Variants in TOM1 observed in about 807,000 individuals in gnomAD.
TOM1 encodes the protein target of myb1 membrane trafficking protein.
In TOM1, 38 loss-of-function variants were observed where a neutral mutation model predicts 61.3. That is an observed-to-expected ratio of 0.62 (90% CI 0.48 to 0.81). The LOEUF (loss-of-function observed/expected upper bound fraction) is 0.81. Ranked by LOEUF, TOM1 falls within the 40% of genes least tolerant of loss-of-function variation. The pLI is 0.00. For missense variants in TOM1, 591 were observed against 659.6 expected, an observed-to-expected ratio of 0.90 and a Z score of 1.14; for synonymous variants, 270 against 268.8, an observed-to-expected ratio of 1.00 and a Z score of -0.04.
At chr22:35,332,691 G>A (rs1424758721) in intron 8 of TOM1, among the ~76,000 whole-genome samples, 2 of 151,952 alleles carry the variant, frequency 1.3e-5, no homozygotes, top group Non-Finnish European at 2.9e-5. Flanking sequence ...TATTTTCTTT[G>A]CTGTTCTAAC....
chr22:35,300,013 C>T (rs1242404001), intron 1 of TOM1, 33 bp downstream of exon 1: 2 of 1,553,490 alleles, frequency 1.3e-6, no homozygotes, highest in Admixed American at 3.9e-5. Flanking sequence ...AGCTCCGCCC[C>T]GGTGCTCCGC....
At chr22:35,306,310 C>A (rs1281526209) in intron 1 of TOM1, among the ~76,000 whole-genome samples, 2 of 152,122 alleles carry the variant, frequency 1.3e-5, no homozygotes, top group Non-Finnish European at 2.9e-5. Flanking sequence ...AGTGGGGTAC[C>A]AGAGCACCCA....
chr22:35,334,984 A>G (rs1929176455), intron 11 of TOM1, among the ~76,000 whole-genome samples: 1 of 152,144 alleles, frequency 6.6e-6, no homozygotes, highest in African/African-American at 2.4e-5. Flanking sequence ...AGGTTCTGTC[A>G]GCCTTGCCCC....
chr22:35,321,840 C>G (rs1927819447), intron 2 of TOM1, 119 bp from the exon 3 acceptor site: 1 of 886,924 alleles, frequency 1.1e-6, no homozygotes, highest in African/African-American at 1.6e-5. Context: ...GCTGGATACA[C>G]AAAACAGGTG....
intron 11 of TOM1, chr22:35,336,843 C>CCT (rs1009981255): frequency 4.6e-5 from 7 of 152,398 alleles, no homozygotes; most frequent in African/African-American, 1.7e-4. Context: ...AGTGCTTGGC[C>CCT]CTCCACCACC....
At chr22:35,318,033 C>G in intron 2 of TOM1, 72 bp downstream of exon 2, 11 of 1,316,500 alleles carry the variant, frequency 8.4e-6, no homozygotes, top group East Asian at 2.3e-5. Flanking sequence ...CTGCACCCTT[C>G]CAGGGAGCCC....
Position 35,334,385 on chromosome 22 carries a change from T to C in TOM1, c.1085T>C (p.Leu362Pro). 2 of 1,614,140 alleles carry C rather than the reference T, an allele frequency of 1.2e-6. No individual in the cohort carries two copies. Among genetic ancestry groups the C allele is most frequent in the African/African-American group, 1.3e-5 (1 of 75,058 alleles). The change falls in exon 11 of 15, where the codon CTG becomes CCG. Residue 362 changes from leucine to proline, a missense_variant. Leu to Pro is a moderately conservative substitution (Grantham distance 98). Coordinates refer to ENST00000449058, the MANE Select transcript of TOM1 (RefSeq NM_005488.3). ...CAGTCTCTGGAGGCCTCTGGTCGAC[T>C]GGAAGATGAGTTTGACATGTTTGCG... is the stretch of plus-strand genomic sequence containing the variant. ...GLQSLEASGR[L>P]EDEFDMFALT...
intron 1 of TOM1, among the ~76,000 whole-genome samples, chr22:35,302,330 C>CTTTTTTTTTTT (rs138734): frequency 2.6e-3 from 185 of 70,696 alleles, no homozygotes; most frequent in Admixed American, 3.3e-3. Flanking sequence ...TTTTCTTTTT[C>CTTTTTTTTTTT]TTTTTTTTTT....
intron 11 of TOM1, among the ~76,000 whole-genome samples, chr22:35,335,109 C>T (rs74767140): frequency 0.017 from 2,584 of 152,206 alleles, 78 homozygotes; most frequent in East Asian, 0.14. Flanking sequence ...CCGGGACCTG[C>T]GGGAGAACTG....
intron 7 of TOM1, among the ~76,000 whole-genome samples, chr22:35,327,939 G>A (rs1412402343): frequency 6.6e-6 from 1 of 152,156 alleles, no homozygotes; most frequent in East Asian, 1.9e-4. Context: ...TGGAGCAGAA[G>A]GGACACTGAA....
intron 3 of TOM1, 178 bp downstream of exon 3, chr22:35,322,215 T>G: frequency 1.7e-6 from 1 of 598,826 alleles, no homozygotes; most frequent in East Asian, 2.8e-5. Flanking sequence ...CAAGAGGCCA[T>G]TTGGAAAGGT....
chr22:35,305,624 C>T (rs1169126877), intron 1 of TOM1, among the ~76,000 whole-genome samples: 1 of 150,398 alleles, frequency 6.6e-6, no homozygotes, highest in Non-Finnish European at 1.5e-5. Context: ...CACGCCGCTG[C>T]ACTCTAGCCT....
At chr22:35,318,267 G>T in intron 2 of TOM1, 1 of 466,098 alleles carries the variant, frequency 2.1e-6, no homozygotes, top group Non-Finnish European at 3.9e-6. Context: ...GAGGCAAGCT[G>T]GAGACTCTTA....
chr22:35,314,820 C>T (rs1421338824), intron 1 of TOM1, among the ~76,000 whole-genome samples: 3 of 152,242 alleles, frequency 2.0e-5, no homozygotes, highest in Non-Finnish European at 4.4e-5. Flanking sequence ...TCAGCGGCTG[C>T]CCCGCCCTTA....
At chr22:35,302,140 G>A (rs918009861) in intron 1 of TOM1, among the ~76,000 whole-genome samples, 4 of 152,030 alleles carry the variant, frequency 2.6e-5, no homozygotes, top group Non-Finnish European at 5.9e-5. Context: ...ATACCTTAAA[G>A]CACAAATGGA....
rs555423294 is a variant in TOM1, at chr22:35,317,869, C to A, written c.53-8C>A. 1.4e-5 allele frequency: 23 copies of A among 1,613,598 alleles called. No homozygotes were observed. The Middle Eastern group carries it at 8.2e-4, about 58-fold the overall frequency. ...CTCATGACTTTATGACTCCTGGTTT[C>A]TTCTCAGAGAAAGCCACAGATGGCT... On this transcript the variant is annotated splice_region_variant and splice_polypyrimidine_tract_variant and intron_variant, in intron 1 of 14. Transcript: ENST00000449058.
intron 1 of TOM1, chr22:35,311,012 G>A (rs766463159): frequency 1.3e-5 from 2 of 152,402 alleles, no homozygotes; most frequent in Non-Finnish European, 2.9e-5. Flanking sequence ...TCTGGGCTTA[G>A]GAGCACGAGT....
intron 1 of TOM1, among the ~76,000 whole-genome samples, chr22:35,316,507 G>A (rs1281898289): frequency 6.6e-6 from 1 of 152,198 alleles, no homozygotes; most frequent in Admixed American, 6.5e-5. Flanking sequence ...ATACCAATTA[G>A]TGCCTCCCAC....
intron 10 of TOM1, 52 bp downstream of exon 10, chr22:35,333,549 C>A (rs756889006): frequency 8.4e-6 from 13 of 1,552,210 alleles, no homozygotes; most frequent in Non-Finnish European, 1.1e-5. Context: ...GTACTGTGGG[C>A]ACCCCTGCAG....
Sources: allele counts gnomAD v4.1 joint callset (sites outside exome capture counted in the v4.1 genomes callset), GRCh38; gene constraint gnomAD v4.1.1; transcripts MANE v1.5; gene names NCBI Gene and HGNC (gene_info 2026-07-23, HGNC 2026-07-21).